Variants in POLR3B observed in about 807,000 individuals in gnomAD.
POLR3B encodes the protein RNA polymerase III subunit B, also known as DNA-directed RNA polymerase III subunit RPC2.
Under a neutral mutation model 147.4 loss-of-function variants are expected in POLR3B, and 96 were observed. The observed-to-expected ratio is 0.65, with a 90% CI of 0.55 to 0.77. The LOEUF is 0.77. POLR3B is among the 30% of genes least tolerant of loss of function. The pLI is 0.00. For missense variants in POLR3B, 1,036 were observed against 1,413.5 expected (o/e 0.73, Z 4.28); for synonymous variants, 461 against 485.9 (o/e 0.95, Z 0.67).
At position 106,496,789 on chromosome 12, in the gene POLR3B, G is replaced by A. The variant is rs773226013; in HGVS notation, c.2855G>A (p.Gly952Asp). 9 of 1,614,192 alleles carry A rather than the reference G, an allele frequency of 5.6e-6. No homozygotes were observed. The highest frequency in any genetic ancestry group is 2.2e-5 in the South Asian group (2 of 91,080). Residue 952 changes from glycine (G) to aspartate (D), a missense_variant, in exon 25 of 28, where the codon GGT (glycine) becomes GAT (aspartate). Gly to Asp is a moderately conservative substitution (Grantham distance 94). Around this residue, in one of 12 missense-constraint regions of POLR3B, gnomAD observed 88 missense variants for 87.5 expected, o/e 1.01. Transcript: ENST00000228347. ...KLIELLAGKA[G>D]VLDGRFHYGT... Reference sequence around the variant, plus strand: ...ATTGAGCTGCTGGCTGGCAAGGCCGGTGTGCTGGACGGCAGATTCCACTAC... The same window carrying A: ...ATTGAGCTGCTGGCTGGCAAGGCCGATGTGCTGGACGGCAGATTCCACTAC...
In POLR3B at chr12:106,426,222, TTGTGTGTGTGTGTGTGTG is replaced by T. The variant is rs35090518; in HGVS notation, c.1102-947_1102-930del. Among the ~76,000 whole-genome samples, 144 of 131,222 alleles carry T rather than the reference TTGTGTGTGTGTGTGTGTG, an allele frequency of 1.1e-3. 1 individual carries two copies. The highest frequency in any genetic ancestry group is 3.8e-3 in the Middle Eastern group (1 of 266). 86.1% of individuals were successfully genotyped at this position (131,222 alleles called of 152,430 possible). The stretch of plus-strand genomic sequence containing the variant: ...AAATTGTAAGGGCAGGGCCTGCAAT[TTGTGTGTGTGTGTGTGTG>T]TGTGTGTGTGTGTGTGTGTGTGTGT... On this transcript the variant is annotated intron_variant, in intron 12 of 27. Coordinates refer to ENST00000228347, the MANE Select transcript of POLR3B (RefSeq NM_018082.6).
At chr12:106,410,171 C>G (rs2037206541) in intron 11 of POLR3B, 1 of 152,598 alleles carries the variant, frequency 6.6e-6, no homozygotes, top group South Asian at 2.1e-4. Flanking sequence ...TCTCATGATT[C>G]TGTGGTTTGA....
chr12:106,466,349 A>G (rs973732516), intron 23 of POLR3B, among the ~76,000 whole-genome samples: 5 of 152,162 alleles, frequency 3.3e-5, no homozygotes, highest in African/African-American at 1.2e-4. Context: ...GATTCTGGAT[A>G]TTAGCCCTTT....
At chr12:106,446,573 GT>G (rs1200956666) in intron 19 of POLR3B, among the ~76,000 whole-genome samples, 1 of 151,740 alleles carries the variant, frequency 6.6e-6, no homozygotes, top group Non-Finnish European at 1.5e-5. Context: ...CTGTGTGAAG[GT>G]TTTTTTTCTC....
chr12:106,421,243 C>T (rs986961880), intron 12 of POLR3B, among the ~76,000 whole-genome samples: 1 of 151,394 alleles, frequency 6.6e-6, no homozygotes. Context: ...AAAAAAAACA[C>T]AACAACACTG....
At chr12:106,358,021 C>G in intron 1 of POLR3B, 70 bp downstream of exon 1, 7 of 1,586,108 alleles carry the variant, frequency 4.4e-6, no homozygotes, top group South Asian at 3.4e-5. Flanking sequence ...CCGGAGTGCT[C>G]GGGCCGCCAA....
chr12:106,358,098 G>T, intron 1 of POLR3B, 147 bp downstream of exon 1: 1 of 1,516,680 alleles, frequency 6.6e-7, no homozygotes, highest in Non-Finnish European at 8.8e-7. Context: ...TCGCGCTTGC[G>T]AGTCTTTTTT....
intron 1 of POLR3B, chr12:106,358,330 C>A: frequency 1.1e-6 from 1 of 935,828 alleles, no homozygotes; most frequent in Non-Finnish European, 1.4e-6. Context: ...TTGCATGAGG[C>A]ACCACAGCCG....
At chr12:106,427,429 A>C (rs1353931697) in intron 13 of POLR3B, 71 bp downstream of exon 13, 2 of 1,344,966 alleles carry the variant, frequency 1.5e-6, no homozygotes, top group African/African-American at 2.9e-5. Flanking sequence ...CAGAAACTTA[A>C]AGCACTTTGA....
chr12:106,479,618 C>T (rs1175527758), intron 23 of POLR3B, among the ~76,000 whole-genome samples: 1 of 151,954 alleles, frequency 6.6e-6, no homozygotes, highest in East Asian at 1.9e-4. Context: ...CTCCTGACCT[C>T]GTGATCCACC....
At chr12:106,399,021 G>T (rs527626401) in intron 10 of POLR3B, among the ~76,000 whole-genome samples, 6 of 152,190 alleles carry the variant, frequency 3.9e-5, no homozygotes, top group Admixed American at 2.6e-4. Flanking sequence ...GGCTTCACAC[G>T]ATCAAACTAC....
chr12:106,461,617 T>C (rs556558605), intron 22 of POLR3B, among the ~76,000 whole-genome samples: 1 of 152,346 alleles, frequency 6.6e-6, no homozygotes, highest in Admixed American at 6.5e-5. Context: ...TTTCACCTTG[T>C]ACCCCCTAGT....
intron 20 of POLR3B, 31 bp from the exon 21 acceptor site, chr12:106,457,106 TG>T: frequency 6.3e-7 from 1 of 1,594,598 alleles, no homozygotes; most frequent in Non-Finnish European, 8.6e-7. Context: ...GGGTTACTGG[TG>T]GTTCTAATGC....
intron 10 of POLR3B, among the ~76,000 whole-genome samples, chr12:106,400,981 A>C (rs750804331): frequency 2.0e-5 from 3 of 152,226 alleles, no homozygotes; most frequent in Non-Finnish European, 4.4e-5. Flanking sequence ...ATATCAGAGC[A>C]GAACTGAAGG....
chr12:106,423,012 C>G lies in POLR3B; in HGVS notation c.1102-4185C>G, dbSNP rs186414032. ...GATTTATAATTTTATTCATGAGGGTCTTGCACCTCTTTCAGATTTATTTCT... is the reference window on the plus strand; with the variant it reads ...GATTTATAATTTTATTCATGAGGGTGTTGCACCTCTTTCAGATTTATTTCT... On this transcript the variant is annotated intron_variant, in intron 12 of 27. Transcript: ENST00000228347. Among the ~76,000 whole-genome samples the G allele has an allele frequency of 2.8e-3, 420 of 152,088 alleles. 1 individual carries two copies. The highest frequency in any genetic ancestry group is 9.1e-3 in the African/African-American group (377 of 41,518).
intron 23 of POLR3B, among the ~76,000 whole-genome samples, chr12:106,487,834 G>GA (rs2038360695): frequency 6.6e-6 from 1 of 152,212 alleles, no homozygotes; most frequent in South Asian, 2.1e-4. Flanking sequence ...GGAGAAGACT[G>GA]AAGGGGGCAG....
intron 10 of POLR3B, among the ~76,000 whole-genome samples, chr12:106,401,363 A>G (rs2037064239): frequency 6.6e-6 from 1 of 152,218 alleles, no homozygotes; most frequent in Non-Finnish European, 1.5e-5. Context: ...GTCCAGGACC[A>G]GATGGATTCT....
rs1267170676 is a variant in POLR3B, at chr12:106,474,828, A to G, written c.2713+11208A>G. On this transcript the variant is annotated intron_variant, in intron 23 of 27. Transcript: ENST00000228347. Reference sequence around the variant, plus strand: ...TTTCAAAAAACCAGCTCCTGGATCCATTGATTTTTTGAAGGGTGTTTTGTG... The same window carrying G: ...TTTCAAAAAACCAGCTCCTGGATCCGTTGATTTTTTGAAGGGTGTTTTGTG... 2.0e-5 allele frequency among the ~76,000 whole-genome samples: 3 copies of G among 151,900 alleles called. No homozygotes were observed. The East Asian group carries it at 5.8e-4, about 29-fold the overall frequency.
rs2038355113 is a variant in POLR3B, at chr12:106,487,465, T to G, written c.2714-8590T>G. 2.0e-5 allele frequency among the ~76,000 whole-genome samples: 3 copies of G among 152,370 alleles called. No homozygotes were observed. The South Asian group carries it at 6.2e-4, about 32-fold the overall frequency. On this transcript the variant is annotated intron_variant, in intron 23 of 27. Coordinates refer to ENST00000228347, the MANE Select transcript of POLR3B (RefSeq NM_018082.6). ...TGATTTAGTATACCTTTGTGCATAT[T>G]ATTTTTCTCTCTCCATTTAGAGCAT... is the stretch of plus-strand genomic sequence containing the variant.
Sources: gnomAD v4.1 joint callset for allele counts (sites outside exome capture counted in the v4.1 genomes callset) on GRCh38, gnomAD v4.1.1 for gene constraint, gnomAD v4.1.1 regional missense constraint, MANE v1.5 for transcripts, NCBI Gene and HGNC (gene_info 2026-07-23, HGNC 2026-07-21) for gene names.